The following BCORL1 variants were observed in gnomAD, a reference collection of about 807,000 sequenced individuals.
BCORL1 encodes the protein BCL6 corepressor like 1.
Under a neutral mutation model 87.6 loss-of-function variants are expected in BCORL1, and 7 were observed. That is an observed-to-expected ratio of 0.08 (90% CI 0.05 to 0.15). The LOEUF is 0.15. BCORL1 is among the 10% of genes least tolerant of loss of function. The pLI, the probability that BCORL1 is intolerant of heterozygous loss-of-function variation, is 1.00. For missense variants in BCORL1, 1,215 were observed against 1,499.7 expected, an observed-to-expected ratio of 0.81 and a Z score of 3.13; for synonymous variants, 591 against 634.4, an observed-to-expected ratio of 0.93 and a Z score of 1.03.
intron 1 of BCORL1, among the ~76,000 whole-genome samples, chrX:130,000,121 C>T (rs1372447179): frequency 9.0e-6 from 1 of 111,498 alleles, no homozygotes; most frequent in Non-Finnish European, 1.9e-5. Context: ...TCTCAGCTCA[C>T]TGCAGCCTTG....
At chrX:130,024,946 C>T (rs1930142975) in intron 6 of BCORL1, 44 bp from the exon 7 acceptor site, 1 of 1,185,429 alleles carries the variant, frequency 8.4e-7, no homozygotes, top group African/African-American at 1.8e-5. Flanking sequence ...ATGCTTTGTC[C>T]TTTGAAGAAG....
At chrX:129,999,184 C>G (rs1206752921) in intron 1 of BCORL1, among the ~76,000 whole-genome samples, 2 of 107,048 alleles carry the variant, frequency 1.9e-5, no homozygotes, top group Admixed American at 1.0e-4. Flanking sequence ...AATCCTAATC[C>G]TCTCTAAATA....
At chrX:130,024,244 C>T (rs1018255047) in intron 6 of BCORL1, among the ~76,000 whole-genome samples, 1 of 110,807 alleles carries the variant, frequency 9.0e-6, no homozygotes, top group African/African-American at 3.3e-5. Flanking sequence ...GAGGGGGAAG[C>T]GCTTGCCCAG....
chrX:130,013,133 G>C lies in BCORL1; in HGVS notation c.361G>C (p.Gly121Arg), dbSNP rs750095557. 28 of 1,210,403 alleles carry C rather than the reference G, an allele frequency of 2.3e-5. No homozygotes were observed. The highest frequency in any genetic ancestry group is 2.7e-5 in the Non-Finnish European group (24 of 894,226). Residue 121 changes from glycine to arginine, a missense_variant, in exon 4 of 14, where the codon GGG becomes CGG. Gly to Arg is a moderately radical substitution (Grantham distance 125). This residue lies in a region of BCORL1 where 861 missense variants were observed against 1,010.0 expected (regional missense o/e 0.85). Coordinates refer to ENST00000540052, the MANE Select transcript of BCORL1 (RefSeq NM_001379451.1). ...LLVPLSSPGD[G>R]LKLPASDSAE... ...GGTGCCCCTGAGCAGCCCAGGAGAC[G>C]GGCTCAAGCTTCCCGCATCTGACAG... is the stretch of plus-strand genomic sequence containing the variant.
chrX:129,987,369 A>G (rs946811756), intron 1 of BCORL1, among the ~76,000 whole-genome samples: 4 of 112,488 alleles, frequency 3.6e-5, no homozygotes, highest in African/African-American at 1.3e-4. Flanking sequence ...ATTTACTCAG[A>G]TATCTTTTGG....
intron 8 of BCORL1, among the ~76,000 whole-genome samples, chrX:130,032,481 A>G (rs181676049): frequency 1.8e-3 from 201 of 112,097 alleles, no homozygotes; most frequent in Non-Finnish European, 2.9e-3. Flanking sequence ...CTAGCCTCAG[A>G]AGACACCTAC....
intron 8 of BCORL1, among the ~76,000 whole-genome samples, chrX:130,031,954 G>A (rs887192911): frequency 9.0e-6 from 1 of 111,309 alleles, no homozygotes; most frequent in Non-Finnish European, 1.9e-5. Context: ...AAGAAAGTGA[G>A]GCATCAGATT....
At position 130,025,229 on chromosome X, in the gene BCORL1, C is replaced by G. The variant is rs1333108304; in HGVS notation, c.3928C>G (p.Gln1310Glu). Residue 1310 changes from glutamine to glutamate, a missense_variant, in exon 7 of 14, where the codon CAA (glutamine) becomes GAA (glutamate). By Grantham distance (29) the Gln-to-Glu change is conservative (BLOSUM62 2). Coordinates refer to ENST00000540052, the MANE Select transcript of BCORL1 (RefSeq NM_001379451.1). The stretch of plus-strand genomic sequence containing the variant: ...GCCCTGGAGGACAGAGGCTGCCCGG[C>G]AAATGTGGGACACCAATGAGGAGGA... ...EMPWRTEAARQMWDTNEEEEE... is the reference protein window; with the variant it reads ...EMPWRTEAAREMWDTNEEEEE... 2 of 1,208,302 alleles carry G rather than the reference C, an allele frequency of 1.7e-6. No individual in the cohort carries two copies. Among genetic ancestry groups the G allele is most frequent in the African/African-American group, 3.5e-5 (2 of 56,843 alleles).
Position 130,025,264 on chromosome X carries a change from AGAG to A in BCORL1, c.3971_3973del (p.Glu1324del), listed in dbSNP as rs757598581. ...ACACCAATGAGGAGGAGGAGGAAGA[AGAG>A]GAGGAGGGCCTGCTGAAGAGGAAGA... On this transcript the variant is annotated inframe_deletion, in exon 7 of 14. Transcript: ENST00000540052. 1.7e-5 allele frequency: 21 copies of A among 1,208,643 alleles called. No individual in the cohort carries two copies. The highest frequency in any genetic ancestry group is 8.8e-5 in the Admixed American group (4 of 45,544).
intron 2 of BCORL1, among the ~76,000 whole-genome samples, chrX:130,006,169 G>A (rs932767568): frequency 6.3e-5 from 7 of 111,083 alleles, no homozygotes; most frequent in African/African-American, 2.3e-4. Context: ...ATAGTCTTGA[G>A]AGTTGGTGAC....
chrX:130,024,135 G>C (rs954867265), intron 6 of BCORL1, among the ~76,000 whole-genome samples: 1 of 112,153 alleles, frequency 8.9e-6, no homozygotes, highest in Non-Finnish European at 1.9e-5. Context: ...TTCGTTGTTA[G>C]CAGAGTTGAA....
chrX:130,014,688 G>C lies in BCORL1; in HGVS notation c.1916G>C (p.Arg639Pro). The change falls in exon 4 of 14, where the codon CGC becomes CCC. Residue 639 changes from arginine (R) to proline (P), a missense_variant. By Grantham distance (103) the Arg-to-Pro change is moderately radical. This residue lies in a region of BCORL1 where 861 missense variants were observed against 1,010.0 expected (regional missense o/e 0.85). Coordinates refer to ENST00000540052, the MANE Select transcript of BCORL1 (RefSeq NM_001379451.1). ...CAGAAGCTTCCATTGCCGAACCAGC[G>C]CAAGACACCCCCCATGCCTGTGTTG... ...NRQKLPLPNQRKTPPMPVLTP... is the reference protein window; with the variant it reads ...NRQKLPLPNQPKTPPMPVLTP... 8.3e-7 allele frequency: 1 copy of C among 1,211,091 alleles called. No homozygotes were observed. The highest frequency in any genetic ancestry group is 1.1e-6 in the Non-Finnish European group (1 of 895,345).
chrX:130,056,271 C>T lies in BCORL1; in HGVS notation c.*135C>T, dbSNP rs1329573222. 1 of 660,452 alleles carries T rather than the reference C, an allele frequency of 1.5e-6. No individual in the cohort carries two copies. The allele number at this position is 660,452 out of a possible 1,213,427, so 54.4% of individuals were successfully genotyped here. ...CCAACAAGAAGCCGCCTTATCAATG[C>T]CAGCATTAGCGACTGGACTGTTTTT... On this transcript the variant is annotated 3_prime_UTR_variant, in exon 14 of 14. Transcript: ENST00000540052.
chrX:129,992,152 T>C (rs975517895), intron 1 of BCORL1, among the ~76,000 whole-genome samples: 2 of 19,597 alleles, frequency 1.0e-4, no homozygotes, highest in Non-Finnish European at 1.8e-4. Flanking sequence ...AAAATAATTT[T>C]TGGGCCAGGC....
intron 2 of BCORL1, among the ~76,000 whole-genome samples, chrX:130,007,181 C>G (rs1023025912): frequency 1.8e-5 from 2 of 111,898 alleles, no homozygotes; most frequent in African/African-American, 6.5e-5. Flanking sequence ...CAGAATAGAC[C>G]TTTTTATTTT....
In BCORL1 at chrX:130,025,159, T is replaced by C. The variant is rs751547711; in HGVS notation, c.3858T>C (p.Ser1286=). 1 of 1,211,509 alleles carries C rather than the reference T, an allele frequency of 8.3e-7. No individual in the cohort carries two copies. The highest frequency in any genetic ancestry group is 3.0e-5 in the East Asian group (1 of 33,833). The change falls in exon 7 of 14, where the codon TCT becomes TCC. Residue 1286 remains serine, a synonymous_variant. Transcript: ENST00000540052. ...QYRSHHAQDK[S]LLSQGRRHLW... ...GCAGCCACCATGCCCAGGACAAGTC[T>C]CTGCTGAGCCAGGGCCGAAGGCACC...
chrX:130,021,211 G>C, intron 5 of BCORL1, 61 bp downstream of exon 5: 7 of 1,154,336 alleles, frequency 6.1e-6, no homozygotes, highest in Non-Finnish European at 8.0e-6. Flanking sequence ...GGGCACAGTG[G>C]TGAGGGCAGA....
Position 130,012,666 on chromosome X carries a change from A to G in BCORL1, c.175A>G (p.Lys59Glu). 1 of 1,207,934 alleles carries G rather than the reference A, an allele frequency of 8.3e-7. No individual in the cohort carries two copies. Among genetic ancestry groups the G allele is most frequent in the Admixed American group, 2.2e-5 (1 of 46,030 alleles). Residue 59 changes from lysine (K) to glutamate (E), a missense_variant and splice_region_variant, in exon 3 of 14, where the codon AAG becomes GAG. By Grantham distance (56) the Lys-to-Glu change is moderately conservative. This residue lies in a region of BCORL1 where 861 missense variants were observed against 1,010.0 expected (regional missense o/e 0.85). Coordinates refer to ENST00000540052, the MANE Select transcript of BCORL1 (RefSeq NM_001379451.1). ...QEFCVSSSFS[K>E]VELTAVGSGS... ...GTTTTGTGTCAGCAGCAGTTTTTCC[A>G]AGGTAAGAGGCTTTATGGAGCCACG...
At chrX:130,005,041 C>T (rs954735174) in intron 1 of BCORL1, 147 bp from the exon 2 acceptor site, 3 of 361,210 alleles carry the variant, frequency 8.3e-6, no homozygotes, top group East Asian at 4.2e-5. Context: ...TCCCTCTTCC[C>T]GGTTTAGACC....
Sources: gnomAD v4.1 joint callset for allele counts (sites outside exome capture counted in the v4.1 genomes callset) on GRCh38, gnomAD v4.1.1 for gene constraint, gnomAD v4.1.1 regional missense constraint, MANE v1.5 for transcripts, NCBI Gene and HGNC (gene_info 2026-07-23, HGNC 2026-07-21) for gene names.